CEP83: variants seen among roughly 807,000 people sequenced by gnomAD.
CEP83 encodes the protein centrosomal protein of 83 kDa.
Under a neutral mutation model 101.9 loss-of-function variants are expected in CEP83, and 70 were observed. The ratio of observed to expected loss-of-function variants is 0.69; its 90% CI spans 0.57 to 0.84. The LOEUF (loss-of-function observed/expected upper bound fraction) is 0.84, where lower values mean the gene tolerates loss of function less well. Ranked by LOEUF, CEP83 falls within the 40% of genes least tolerant of loss-of-function variation. CEP83 has a pLI of 0.00. For synonymous variants in CEP83, 264 were observed against 267.9 expected, an observed-to-expected ratio of 0.99 and a Z score of 0.14; for missense variants, 715 against 787.2, an observed-to-expected ratio of 0.91 and a Z score of 1.10.
At chr12:94,292,723 ACAAAT>A in the CEP83 span, among the ~76,000 whole-genome samples, 2 of 152,202 alleles carry the variant, frequency 1.3e-5, no homozygotes, top group African/African-American at 2.4e-5. Flanking sequence ...TAATTTGTGC[ACAAAT>A]CAAAGTTTTT....
chr12:94,267,384 A>G, the CEP83 span, among the ~76,000 whole-genome samples: 62 of 152,166 alleles, frequency 4.1e-4, no homozygotes, highest in Non-Finnish European at 5.7e-4. Context: ...AATTAAGACC[A>G]TGTGTTTCTG....
chr12:94,301,068 G>A, the CEP83 span: 1,003 of 1,612,820 alleles, frequency 6.2e-4, 15 homozygotes, highest in East Asian at 0.02. Context: ...GTAAGGCCCA[G>A]CTTGAGTATT....
the CEP83 span, chr12:94,282,942 C>CA: frequency 1.3e-5 from 2 of 153,506 alleles, no homozygotes; most frequent in Non-Finnish European, 2.9e-5. Context: ...CGTGACTTCT[C>CA]AGAGATCTGA....
chr12:94,361,705 ATTTT>A (rs796659419), intron 11 of CEP83, among the ~76,000 whole-genome samples: 2 of 146,222 alleles, frequency 1.4e-5, no homozygotes, highest in Non-Finnish European at 3.0e-5. Flanking sequence ...CTGCAAACTA[ATTTT>A]TTTTTTTTTG....
At chr12:94,452,260 T>C (rs905499518) in intron 1 of CEP83, among the ~76,000 whole-genome samples, 3 of 152,148 alleles carry the variant, frequency 2.0e-5, no homozygotes, top group African/African-American at 7.2e-5. Flanking sequence ...TGCCTTGTGA[T>C]GACAGTCGCA....
intron 1 of CEP83, among the ~76,000 whole-genome samples, chr12:94,442,425 C>A (rs2066480296): frequency 6.6e-6 from 1 of 151,962 alleles, no homozygotes; most frequent in Non-Finnish European, 1.5e-5. Context: ...GTACACTGCT[C>A]AAGTGATGGG....
chr12:94,354,756 A>T (rs1209083985), intron 11 of CEP83, among the ~76,000 whole-genome samples: 2 of 152,234 alleles, frequency 1.3e-5, no homozygotes, highest in African/African-American at 4.8e-5. Flanking sequence ...TCACACCTGT[A>T]ATCCCAACAC....
chr12:94,340,821 T>G (rs926689179), intron 11 of CEP83, among the ~76,000 whole-genome samples: 1 of 151,978 alleles, frequency 6.6e-6, no homozygotes, highest in Non-Finnish European at 1.5e-5. Context: ...ATCACAGAGA[T>G]AGGACAGCAG....
At chr12:94,273,725 C>T in the CEP83 span, among the ~76,000 whole-genome samples, 1 of 152,274 alleles carries the variant, frequency 6.6e-6, no homozygotes, top group East Asian at 1.9e-4. Context: ...GCCCTGCACA[C>T]AATAGGTGCA....
chr12:94,315,447 A>T (rs1232709482), intron 14 of CEP83, among the ~76,000 whole-genome samples: 1 of 152,008 alleles, frequency 6.6e-6, no homozygotes, highest in African/African-American at 2.4e-5. Flanking sequence ...ATTCCTACTG[A>T]TTTGTAGTTC....
At chr12:94,441,728 A>C (rs1373756318) in intron 1 of CEP83, among the ~76,000 whole-genome samples, 1 of 152,148 alleles carries the variant, frequency 6.6e-6, no homozygotes, top group Non-Finnish European at 1.5e-5. Flanking sequence ...ATCTTGACTA[A>C]CATGGTAAAA....
At chr12:94,317,075 C>T (rs530014094) in intron 14 of CEP83, among the ~76,000 whole-genome samples, 4 of 152,248 alleles carry the variant, frequency 2.6e-5, no homozygotes, top group Non-Finnish European at 5.9e-5. Context: ...TCCACAACCT[C>T]GCCAGAATCT....
At chr12:94,298,206 A>G in the CEP83 span, among the ~76,000 whole-genome samples, 4 of 152,378 alleles carry the variant, frequency 2.6e-5, no homozygotes, top group South Asian at 4.1e-4. Flanking sequence ...AAAGTACACA[A>G]TAAAACTTTA....
chr12:94,346,259 G>C (rs1041291262), intron 11 of CEP83, among the ~76,000 whole-genome samples: 2 of 151,932 alleles, frequency 1.3e-5, no homozygotes, highest in African/African-American at 4.8e-5. Flanking sequence ...CACTATGTTG[G>C]TCAGGCTGGT....
At chr12:94,374,840 G>T (rs2061457174) in intron 8 of CEP83, among the ~76,000 whole-genome samples, 1 of 152,064 alleles carries the variant, frequency 6.6e-6, no homozygotes, top group African/African-American at 2.4e-5. Context: ...TTTAATTTTT[G>T]CCACAACTCT....
At chr12:94,315,059 A>T (rs944903206) in intron 14 of CEP83, among the ~76,000 whole-genome samples, 8 of 152,318 alleles carry the variant, frequency 5.3e-5, no homozygotes, top group Admixed American at 2.0e-4. Context: ...TTTTACGAAC[A>T]TTCCTAAACA....
At chr12:94,298,116 C>T in the CEP83 span, among the ~76,000 whole-genome samples, 1 of 152,220 alleles carries the variant, frequency 6.6e-6, no homozygotes, top group Non-Finnish European at 1.5e-5. Flanking sequence ...GGGCAGAGGA[C>T]AGCCCAAGCC....
chr12:94,437,472 C>T (rs2066081778), intron 1 of CEP83, among the ~76,000 whole-genome samples: 1 of 152,240 alleles, frequency 6.6e-6, no homozygotes, highest in Admixed American at 6.5e-5. Context: ...AGAATCTTAA[C>T]AGCTGTGAGG....
intron 5 of CEP83, 136 bp from the exon 6 acceptor site, chr12:94,401,117 T>C: frequency 2.5e-6 from 1 of 403,114 alleles, no homozygotes. Context: ...TTAACAGAAA[T>C]ACAAATGAAT....
Sources: allele counts gnomAD v4.1 joint callset (sites outside exome capture counted in the v4.1 genomes callset), GRCh38; gene constraint gnomAD v4.1.1; transcripts MANE v1.5; gene names NCBI Gene and HGNC (gene_info 2026-07-23, HGNC 2026-07-21).